Variants in PVALEF observed in about 807,000 individuals in gnomAD.
PVALEF encodes the protein parvalbumin-like EF-hand-containing protein.
A neutral mutation model predicts 1.2 loss-of-function variants in PVALEF; 2 were observed. That is an observed-to-expected ratio of 1.68 (90% CI 0.69 to 5.28). The LOEUF (loss-of-function observed/expected upper bound fraction) is 5.28, where lower values mean the gene tolerates loss of function less well. Among genes scored for constraint, PVALEF ranks in the 30% most tolerant of loss-of-function variants. PVALEF has a pLI of 0.06. For missense variants in PVALEF, 35 were observed against 17.7 expected (o/e 1.97, Z -1.75); for synonymous variants, 16 against 6.5 (o/e 2.47, Z -2.24).
At chr17:81,165,900 G>A (rs2061484416) in intron 1 of PVALEF, 153 bp downstream of exon 1, 8 of 1,561,276 alleles carry the variant, frequency 5.1e-6, no homozygotes, top group Non-Finnish European at 6.1e-6. Flanking sequence ...GCAGCGGAGG[G>A]AGGCAGCGGC....
In PVALEF at chr17:81,181,712, CGGAGGGGTGG is replaced by C. The variant is rs1443581271; in HGVS notation, c.242+21_242+30del. 1 of 399,670 alleles carries C rather than the reference CGGAGGGGTGG, an allele frequency of 2.5e-6. No homozygotes were observed. Among genetic ancestry groups the C allele is most frequent in the Non-Finnish European group, 4.4e-6 (1 of 226,940 alleles). The allele number at this position is 399,670 out of a possible 1,614,324, so 24.8% of individuals were successfully genotyped here. The stretch of plus-strand genomic sequence containing the variant: ...GAGATCAAGTAATGGCTGGCGGCCA[CGGAGGGGTGG>C]GGCCCAGGCCACCCAGACCACGCCG... On this transcript the variant is annotated intron_variant, in intron 5 of 6. Coordinates refer to ENST00000637878, the MANE Select transcript of PVALEF (RefSeq NM_001354639.2).
Position 81,166,003 on chromosome 17 carries a change from G to T in PVALEF, c.-508+256G>T, listed in dbSNP as rs2061486443. On this transcript the variant is annotated intron_variant, in intron 1 of 6. Transcript: ENST00000637878. ...GAAGGACGACGACATGGCCGGGCCA[G>T]CGGCCGGCGGGCATCCCGGGAGGGC... The T allele has an allele frequency of 1.9e-6, 3 of 1,557,744 alleles. No homozygotes were observed. The African/African-American group carries it at 4.2e-5, about 22-fold the overall frequency.
intron 2 of PVALEF, among the ~76,000 whole-genome samples, chr17:81,171,185 G>A (rs1449477697): frequency 6.6e-6 from 1 of 152,176 alleles, no homozygotes; most frequent in South Asian, 2.1e-4. Flanking sequence ...GCCCATAGTC[G>A]GGGCCAGTGA....
chr17:81,181,718 G>A (rs2061554888), intron 5 of PVALEF, 24 bp downstream of exon 5: 2 of 400,016 alleles, frequency 5.0e-6, no homozygotes, highest in Non-Finnish European at 8.8e-6. Flanking sequence ...GCCACGGAGG[G>A]GTGGGGCCCA....
intron 2 of PVALEF, among the ~76,000 whole-genome samples, chr17:81,168,426 C>G (rs2061506708): frequency 6.6e-6 from 1 of 152,188 alleles, no homozygotes; most frequent in South Asian, 2.1e-4. Context: ...ACCAGAGCGA[C>G]ACCCCTTCTC....
Position 81,179,043 on chromosome 17 carries a change from G to C in PVALEF, c.-214G>C, listed in dbSNP as rs1196051747. ...GTGCCGGGGAGGGGCGAGGACAGCT[G>C]CAGCCCCGAGATGTAAACAGGCTTG... On this transcript the variant is annotated 5_prime_UTR_variant, in exon 3 of 7. Transcript: ENST00000637878. 1 of 454,616 alleles carries C rather than the reference G, an allele frequency of 2.2e-6. No individual in the cohort carries two copies. The highest frequency in any genetic ancestry group is 4.4e-6 in the Non-Finnish European group (1 of 225,160). 28.2% of individuals were successfully genotyped at this position (454,616 alleles called of 1,614,324 possible).
chr17:81,175,859 G>C (rs2061534462), intron 2 of PVALEF, among the ~76,000 whole-genome samples: 1 of 152,188 alleles, frequency 6.6e-6, no homozygotes, highest in Non-Finnish European at 1.5e-5. Flanking sequence ...CATGGCATGG[G>C]ATTTGACAGA....
chr17:81,179,364 G>A (rs1029746115), intron 3 of PVALEF, among the ~76,000 whole-genome samples: 2 of 152,234 alleles, frequency 1.3e-5, no homozygotes, highest in Admixed American at 6.5e-5. Flanking sequence ...GGGGGCCCCC[G>A]GATGGAAGAC....
intron 2 of PVALEF, among the ~76,000 whole-genome samples, chr17:81,176,533 A>C (rs1406771015): frequency 6.6e-6 from 1 of 151,888 alleles, no homozygotes; most frequent in Admixed American, 6.6e-5. Flanking sequence ...AAAAAAAAGG[A>C]AACAAAACAC....
intron 2 of PVALEF, among the ~76,000 whole-genome samples, chr17:81,173,246 G>C (rs2061526469): frequency 6.6e-6 from 1 of 152,180 alleles, no homozygotes; most frequent in African/African-American, 2.4e-5. Flanking sequence ...GCCCTGGCAT[G>C]GTTCCCTGGC....
At position 81,182,022 on chromosome 17, in the gene PVALEF, A is replaced by C. The variant is rs1002397208; in HGVS notation, c.299A>C (p.Glu100Ala). ...SGPTTPLTDE[E>A]AEAMIQAADT... ...CCCACCACCCCGCTGACAGACGAGG[A>C]GGCCGAGGCCATGATCCAGGCGGCA... Residue 100 changes from glutamate (E) to alanine (A), a missense_variant, in exon 6 of 7, where the codon GAG becomes GCG. Glu to Ala is a moderately radical substitution (Grantham distance 107). Transcript: ENST00000637878. The C allele has an allele frequency of 2.5e-6, 1 of 398,758 alleles. No homozygotes were observed. Among genetic ancestry groups the C allele is most frequent in the African/African-American group, 2.1e-5 (1 of 48,758 alleles). 24.7% of individuals were successfully genotyped at this position (398,758 alleles called of 1,614,324 possible).
chr17:81,165,640 T>A lies in PVALEF; in HGVS notation c.-615T>A. Reference sequence around the variant, plus strand: ...GCCCTTAGTCTGAGACCAACTCTCCTGGACACCAGGGGCCCACGCAGGCCC... The same window carrying A: ...GCCCTTAGTCTGAGACCAACTCTCCAGGACACCAGGGGCCCACGCAGGCCC... On this transcript the variant is annotated 5_prime_UTR_variant, in exon 1 of 7. Transcript: ENST00000637878. The A allele has an allele frequency of 6.8e-7, 1 of 1,474,308 alleles. No individual in the cohort carries two copies. Among genetic ancestry groups the A allele is most frequent in the Admixed American group, 2.0e-5 (1 of 48,952 alleles). 91.3% of individuals were successfully genotyped at this position (1,474,308 alleles called of 1,614,324 possible).
chr17:81,170,366 CGTGT>C (rs935220079), intron 2 of PVALEF, among the ~76,000 whole-genome samples: 4 of 151,184 alleles, frequency 2.6e-5, no homozygotes, highest in African/African-American at 4.9e-5. Flanking sequence ...TGTGTCTGTG[CGTGT>C]GTGTGTGTCC....
At chr17:81,168,354 C>G (rs1175540781) in intron 2 of PVALEF, among the ~76,000 whole-genome samples, 1 of 152,176 alleles carries the variant, frequency 6.6e-6, no homozygotes, top group Non-Finnish European at 1.5e-5. Context: ...CTTCTTGGGG[C>G]TCCAGGAAGG....
intron 2 of PVALEF, among the ~76,000 whole-genome samples, chr17:81,167,944 G>A (rs577792162): frequency 1.3e-5 from 2 of 152,238 alleles, no homozygotes; most frequent in South Asian, 4.1e-4. Flanking sequence ...TGCCCACCCA[G>A]TGGCAGGGAT....
chr17:81,178,606 C>T (rs1177819074), intron 2 of PVALEF, among the ~76,000 whole-genome samples: 1 of 152,134 alleles, frequency 6.6e-6, no homozygotes, highest in East Asian at 1.9e-4. Flanking sequence ...GGCTGGGCCG[C>T]AGCACCCACT....
In PVALEF at chr17:81,167,000, AG is replaced by A; in HGVS notation, c.-340+157del. 2.6e-5 allele frequency among the ~76,000 whole-genome samples: 4 copies of A among 152,282 alleles called. No homozygotes were observed. The South Asian group carries it at 8.3e-4, about 32-fold the overall frequency. On this transcript the variant is annotated intron_variant, in intron 2 of 6. Coordinates refer to ENST00000637878, the MANE Select transcript of PVALEF (RefSeq NM_001354639.2). ...CCCCCGTGGGAGTCGGGAGAGTTAAAGTTCAGTGGAAGCTGGTCCCAGTGGC... is the reference window on the plus strand; with the variant it reads ...CCCCCGTGGGAGTCGGGAGAGTTAAATTCAGTGGAAGCTGGTCCCAGTGGC...
intron 2 of PVALEF, among the ~76,000 whole-genome samples, chr17:81,170,469 C>G (rs2061517178): frequency 1.3e-5 from 2 of 152,062 alleles, no homozygotes; most frequent in South Asian, 4.1e-4. Flanking sequence ...TGCAAGGACC[C>G]TACTTCCAAC....
intron 2 of PVALEF, 43 bp downstream of exon 2, chr17:81,166,887 C>G (rs2061497799): frequency 2.9e-6 from 1 of 347,574 alleles, no homozygotes; most frequent in African/African-American, 2.2e-5. Flanking sequence ...AGGGGCCATC[C>G]CTTCCCCTAT....
Sources: allele counts gnomAD v4.1 joint callset (sites outside exome capture counted in the v4.1 genomes callset), GRCh38; gene constraint gnomAD v4.1.1; transcripts MANE v1.5; gene names NCBI Gene and HGNC (gene_info 2026-07-23, HGNC 2026-07-21).